Variants in SLC16A7 observed in about 807,000 individuals in gnomAD.
The protein encoded by SLC16A7 is solute carrier family 16 member 7.
SLC16A7 carries 33 observed loss-of-function variants against 34.9 expected under a neutral mutation model. That is an observed-to-expected ratio of 0.94 (90% CI 0.72 to 1.26). The LOEUF (loss-of-function observed/expected upper bound fraction) is 1.26, where lower values mean the gene tolerates loss of function less well. Ranked by LOEUF, SLC16A7 falls within the 50% of genes most tolerant of loss-of-function variation. The pLI, the probability that SLC16A7 is intolerant of heterozygous loss-of-function variation, is 0.00. For missense variants in SLC16A7, 573 were observed against 578.1 expected, an observed-to-expected ratio of 0.99 and a Z score of 0.09; for synonymous variants, 201 against 206.6, an observed-to-expected ratio of 0.97 and a Z score of 0.23.
At chr12:59,659,039 A>C (rs1868687120) in intron 2 of SLC16A7, among the ~76,000 whole-genome samples, 1 of 152,060 alleles carries the variant, frequency 6.6e-6, no homozygotes, top group African/African-American at 2.4e-5. Context: ...ATGTGACAGC[A>C]GATGCCTAGA....
chr12:59,666,090 A>C (rs1012268759), intron 2 of SLC16A7, among the ~76,000 whole-genome samples: 1 of 152,204 alleles, frequency 6.6e-6, no homozygotes, highest in Admixed American at 6.5e-5. Flanking sequence ...TTGGAAGAAC[A>C]TAACATTTCA....
At chr12:59,647,819 G>A (rs1868273211) in intron 1 of SLC16A7, among the ~76,000 whole-genome samples, 1 of 152,004 alleles carries the variant, frequency 6.6e-6, no homozygotes, top group Admixed American at 6.6e-5. Context: ...TAGTTGGGAG[G>A]ATCGCTTGAT....
intron 3 of SLC16A7, among the ~76,000 whole-genome samples, chr12:59,725,653 G>A (rs559993385): frequency 6.6e-6 from 1 of 152,024 alleles, no homozygotes; most frequent in Non-Finnish European, 1.5e-5. Flanking sequence ...ATGTTGTATA[G>A]TGTTATCATT....
Position 59,696,010 on chromosome 12 carries a change from T to C in SLC16A7, c.-30-8762T>C, listed in dbSNP as rs543106290. On this transcript the variant is annotated intron_variant, in intron 2 of 5. Coordinates refer to ENST00000547379, the MANE Select transcript of SLC16A7 (RefSeq NM_001270623.2). ...CTAATACTTATATTTTAATTTTTTA[T>C]TTTCATTGTCAGTGGATATTTAATT... Among the ~76,000 whole-genome samples the C allele has an allele frequency of 1.9e-3, 293 of 152,058 alleles. 3 individuals are homozygous for C. The highest frequency in any genetic ancestry group is 6.9e-3 in the African/African-American group (287 of 41,540).
chr12:59,644,497 G>A (rs1880824692), intron 1 of SLC16A7, among the ~76,000 whole-genome samples: 1 of 152,118 alleles, frequency 6.6e-6, no homozygotes, highest in African/African-American at 2.4e-5. Flanking sequence ...AGCCTTGGAG[G>A]TGGAAACTGC....
chr12:59,611,772 C>G (rs763500169), intron 1 of SLC16A7, among the ~76,000 whole-genome samples: 17 of 152,220 alleles, frequency 1.1e-4, no homozygotes, highest in Admixed American at 3.9e-4. Context: ...CAGAGGGGCT[C>G]TGGGCCCCAT....
intron 3 of SLC16A7, chr12:59,733,909 G>A: frequency 2.3e-6 from 1 of 443,434 alleles, no homozygotes. Flanking sequence ...TCCCACAGCT[G>A]GTAATCCTGA....
intron 3 of SLC16A7, among the ~76,000 whole-genome samples, chr12:59,754,421 G>A (rs1426662146): frequency 6.6e-6 from 1 of 151,818 alleles, no homozygotes; most frequent in Non-Finnish European, 1.5e-5. Flanking sequence ...ATGATAAAGG[G>A]GATATCACCA....
chr12:59,719,902 G>A (rs930574331), intron 3 of SLC16A7: 14 of 522,278 alleles, frequency 2.7e-5, no homozygotes, highest in African/African-American at 2.6e-4. Flanking sequence ...TGGTCCACTG[G>A]AAAGTTGGCA....
intron 3 of SLC16A7, among the ~76,000 whole-genome samples, chr12:59,735,169 A>C (rs1323109711): frequency 6.6e-6 from 1 of 152,198 alleles, no homozygotes; most frequent in Non-Finnish European, 1.5e-5. Context: ...CTTTGATTTG[A>C]GATATATTTA....
rs1883179734 is a variant in SLC16A7 at position 59,780,644 on chromosome 12, C to G, written c.*965C>G. 6.6e-6 allele frequency: 1 copy of G among 152,112 alleles called. No homozygotes were observed. Among genetic ancestry groups the G allele is most frequent in the Non-Finnish European group, 1.5e-5 (1 of 68,016 alleles). The allele number at this position is 152,112 out of a possible 1,614,324, so 9.4% of individuals were successfully genotyped here. On this transcript the variant is annotated 3_prime_UTR_variant, in exon 6 of 6. Coordinates refer to ENST00000547379, the MANE Select transcript of SLC16A7 (RefSeq NM_001270623.2). ...CAGGGATTTTATTTTAATCAGGCAT[C>G]AATCCAGATTCACTGTTATACTGAA...
chr12:59,715,624 G>T (rs10083171), intron 3 of SLC16A7, among the ~76,000 whole-genome samples: 2,326 of 152,220 alleles, frequency 0.015, 60 homozygotes, highest in African/African-American at 0.052. Context: ...GAAGGTGAGG[G>T]CACACAATGC....
intron 1 of SLC16A7, among the ~76,000 whole-genome samples, chr12:59,598,959 G>GA (rs1237727767): frequency 6.6e-6 from 1 of 152,174 alleles, no homozygotes; most frequent in East Asian, 1.9e-4. Context: ...CATATTTACA[G>GA]AAAAAAGAAT....
chr12:59,754,434 A>G (rs1320048276), intron 3 of SLC16A7, among the ~76,000 whole-genome samples: 23 of 152,204 alleles, frequency 1.5e-4, no homozygotes, highest in Non-Finnish European at 3.1e-4. Context: ...TATCACCACC[A>G]ATCCCACAGA....
intron 1 of SLC16A7, among the ~76,000 whole-genome samples, chr12:59,633,204 A>G (rs1880262604): frequency 6.6e-6 from 1 of 151,914 alleles, no homozygotes; most frequent in Non-Finnish European, 1.5e-5. Flanking sequence ...CCTTTGTACT[A>G]TTTGTATTTG....
chr12:59,613,663 C>T (rs918736043), intron 1 of SLC16A7, among the ~76,000 whole-genome samples: 3 of 152,110 alleles, frequency 2.0e-5, no homozygotes, highest in African/African-American at 7.2e-5. Context: ...GTAGAAGATA[C>T]ATACTACCCA....
intron 3 of SLC16A7, among the ~76,000 whole-genome samples, chr12:59,751,270 C>T (rs137950363): frequency 0.017 from 2,603 of 152,290 alleles, 57 homozygotes; most frequent in African/African-American, 0.058. Context: ...GTGGGTGCAG[C>T]GCACCGTGTG....
intron 3 of SLC16A7, among the ~76,000 whole-genome samples, chr12:59,747,900 A>T (rs1036184817): frequency 8.5e-5 from 13 of 152,268 alleles, no homozygotes; most frequent in African/African-American, 2.9e-4. Flanking sequence ...AGATACCATT[A>T]ATCATAAAAA....
At chr12:59,622,792 G>A (rs1299627047) in intron 1 of SLC16A7, among the ~76,000 whole-genome samples, 4 of 151,780 alleles carry the variant, frequency 2.6e-5, no homozygotes, top group African/African-American at 9.7e-5. Context: ...TGGAATTATG[G>A]ATAGTGTGAC....
Sources: gnomAD v4.1 joint callset for allele counts (sites outside exome capture counted in the v4.1 genomes callset) on GRCh38, gnomAD v4.1.1 for gene constraint, MANE v1.5 for transcripts, NCBI Gene and HGNC (gene_info 2026-07-23, HGNC 2026-07-21) for gene names.